PPP6R1: variants seen among roughly 807,000 people sequenced by gnomAD.
PPP6R1 encodes protein phosphatase 6 regulatory subunit 1, also known as serine/threonine-protein phosphatase 6 regulatory subunit 1.
A neutral mutation model predicts 104.6 loss-of-function variants in PPP6R1; 39 were observed. That is an observed-to-expected ratio of 0.37 (90% CI 0.29 to 0.49). The LOEUF is 0.49. PPP6R1 is among the 20% of genes least tolerant of loss of function. PPP6R1 has a pLI of 0.98. For synonymous variants in PPP6R1, 549 were observed against 479.0 expected (o/e 1.15, Z -1.91); for missense variants, 1,181 against 1,155.8 (o/e 1.02, Z -0.32).
Position 55,241,449 on chromosome 19 carries a change from C to T in PPP6R1, c.1008+28G>A, listed in dbSNP as rs1437594136. The T allele has an allele frequency of 1.9e-6, 3 of 1,597,766 alleles. No homozygotes were observed. Among genetic ancestry groups the T allele is most frequent in the Non-Finnish European group, 2.6e-6 (3 of 1,169,956 alleles). ...CTGCCCTTCCTGCTTCCCCCGCCTC[C>T]CCGAGGACCAGAACCCACACCCCTG... On this transcript the variant is annotated intron_variant, in intron 8 of 23. Transcript: ENST00000412770. The surrounding 1 kb of genome is among the most constrained non-coding windows in gnomAD (Gnocchi z 5.4).
intron 15 of PPP6R1, among the ~76,000 whole-genome samples, chr19:55,237,234 T>C (rs777465574): frequency 6.6e-6 from 1 of 151,978 alleles, no homozygotes; most frequent in Non-Finnish European, 1.5e-5. Flanking sequence ...AGTGAGAAAA[T>C]GGGGCTCGGA....
chr19:55,256,273 A>T (rs996659637), intron 1 of PPP6R1, among the ~76,000 whole-genome samples: 3 of 152,230 alleles, frequency 2.0e-5, no homozygotes, highest in African/African-American at 7.2e-5. Flanking sequence ...GCAGTGGAGC[A>T]AAGTTCTCCT....
intron 17 of PPP6R1, chr19:55,232,706 A>C (rs1318375117): frequency 6.4e-6 from 1 of 156,504 alleles, no homozygotes; most frequent in Non-Finnish European, 1.4e-5. Context: ...CTCAGCCCTG[A>C]GAAACCACCA....
downstream of PPP6R1, chr19:55,228,454 G>C (rs1259411485): frequency 2.5e-6 from 4 of 1,608,540 alleles, 1 homozygote; most frequent in South Asian, 4.4e-5. Flanking sequence ...GGAGTGGGGA[G>C]CTACTGAGCC....
At position 55,241,568 on chromosome 19, in the gene PPP6R1, G is replaced by A. The variant is rs1389599857; in HGVS notation, c.917C>T (p.Ala306Val). 6.3e-7 allele frequency: 1 copy of A among 1,582,118 alleles called. No individual in the cohort carries two copies. The highest frequency in any genetic ancestry group is 8.6e-7 in the Non-Finnish European group (1 of 1,165,486). ...CACACTGGACACAGTGCTTTCCAGG[G>A]CCCCCTGGGCCAGGAGCTCCAGCTG... ...DGQLELLAQG[A>V]LESTVSSVGA... Residue 306 changes from alanine (A) to valine (V), a missense_variant, in exon 8 of 24, where the codon GCC becomes GTC. Transcript: ENST00000412770. This position sits in a 1 kb window ranked among gnomAD's most constrained non-coding sequence, Gnocchi z 5.4.
At chr19:55,239,537 TG>T in intron 14 of PPP6R1, 35 bp from the exon 15 acceptor site, 1 of 1,610,878 alleles carries the variant, frequency 6.2e-7, no homozygotes, top group African/African-American at 1.3e-5. Flanking sequence ...TGGAGGGAGT[TG>T]GGCAGGACCC....
chr19:55,231,953 C>A lies in PPP6R1; in HGVS notation c.2155G>T (p.Val719Leu). ...GPSWTATFDP[V>L]PTDAPTSPRV... ...GGGCTGGTCGGGGCATCTGTAGGCA[C>A]TGGGTCAAAGGTGGCTGTCCAGCTG... The change falls in exon 19 of 24, where the codon GTG (valine) becomes TTG (leucine). Residue 719 changes from valine to leucine, a missense_variant. By Grantham distance (32) the Val-to-Leu change is conservative (BLOSUM62 1). Around this residue, in one of 2 missense-constraint regions of PPP6R1, gnomAD observed 1,042 missense variants for 955.6 expected, o/e 1.09. Transcript: ENST00000412770. 1 of 1,592,320 alleles carries A rather than the reference C, an allele frequency of 6.3e-7. No individual in the cohort carries two copies. The highest frequency in any genetic ancestry group is 8.6e-7 in the Non-Finnish European group (1 of 1,166,150).
Position 55,239,502 on chromosome 19 carries a change from C to T in PPP6R1, c.1654G>A (p.Ala552Thr). ...CGCTGCATCTGGAAGTCCATGAAGG[C>T]CTGTGGGGGTGCGGAGGTTAGGGCT... ...NFPEEAVLQQ[A>T]FMDFQMQRMT... The change falls in exon 15 of 24, where the codon GCC becomes ACC. Residue 552 changes from alanine to threonine, a missense_variant and splice_region_variant. Physicochemically the swap from Ala to Thr is moderately conservative, Grantham distance 58. Around this residue, in one of 2 missense-constraint regions of PPP6R1, gnomAD observed 1,042 missense variants for 955.6 expected, o/e 1.09. Coordinates refer to ENST00000412770, the MANE Select transcript of PPP6R1 (RefSeq NM_014931.4). 1 of 1,613,888 alleles carries T rather than the reference C, an allele frequency of 6.2e-7. No homozygotes were observed. The highest frequency in any genetic ancestry group is 8.5e-7 in the Non-Finnish European group (1 of 1,179,818).
At chr19:55,256,348 A>G (rs536875544) in intron 1 of PPP6R1, among the ~76,000 whole-genome samples, 66 of 152,356 alleles carry the variant, frequency 4.3e-4, no homozygotes, top group Non-Finnish European at 8.4e-4. Flanking sequence ...CATGCACTGG[A>G]GGACACTTAG....
intron 1 of PPP6R1, among the ~76,000 whole-genome samples, chr19:55,252,439 C>T (rs147067409): frequency 0.024 from 3,603 of 150,002 alleles, 160 homozygotes; most frequent in African/African-American, 0.085. Flanking sequence ...CGCTCTGTCA[C>T]CCAGGCTGGA....
intron 1 of PPP6R1, among the ~76,000 whole-genome samples, chr19:55,253,417 C>G (rs1191172918): frequency 6.6e-6 from 1 of 152,230 alleles, no homozygotes; most frequent in Non-Finnish European, 1.5e-5. Context: ...ACCCCTGGTA[C>G]AGACTAACCA....
rs762977032 is a variant in PPP6R1 at position 55,232,141 on chromosome 19, T to C, written c.2059A>G (p.Ile687Val). ...DEEEEEDEEG[I>V]GCAARGGATP... ...GCCCCTCCACGGGCTGCACAGCCAA[T>C]GCCCTCCTCGTCTTCCTCCTCCTCC... Residue 687 changes from isoleucine (I) to valine (V), a missense_variant, in exon 18 of 24, where the codon ATT becomes GTT. Coordinates refer to ENST00000412770, the MANE Select transcript of PPP6R1 (RefSeq NM_014931.4). 1.9e-6 allele frequency: 3 copies of C among 1,589,534 alleles called. No homozygotes were observed. The highest frequency in any genetic ancestry group is 1.8e-5 in the Admixed American group (1 of 55,826).
rs368804396 is a variant in PPP6R1, at chr19:55,241,344, G to T, written c.1056C>A (p.Gly352=). 683 of 1,611,586 alleles carry T rather than the reference G, an allele frequency of 4.2e-4. No homozygotes were observed. Among genetic ancestry groups the T allele is most frequent in the Non-Finnish European group, 5.3e-4 (630 of 1,179,692 alleles). ...GCTTGACCACGTGCAGCCGCGTGTT[G>T]CCCAGAGGCGGAGCCAGCATGCCCC... ...MTWGMLAPPL[G]NTRLHVVKLL... is the part of the protein sequence containing the mutation. Residue 352 remains glycine (G), a synonymous_variant, in exon 9 of 24, where the codon GGC becomes GGA. Coordinates refer to ENST00000412770, the MANE Select transcript of PPP6R1 (RefSeq NM_014931.4). This position sits in a 1 kb window ranked among gnomAD's most constrained non-coding sequence, Gnocchi z 5.4.
chr19:55,240,170 C>A (rs2087438928), intron 11 of PPP6R1, 56 bp from the exon 12 acceptor site: 3 of 1,561,544 alleles, frequency 1.9e-6, no homozygotes, highest in Non-Finnish European at 2.6e-6. Flanking sequence ...GGATGCCCAG[C>A]CCCAGCCCGG....
At chr19:55,238,861 A>G (rs185760289) in intron 15 of PPP6R1, 1 of 154,650 alleles carries the variant, frequency 6.5e-6, no homozygotes, top group Non-Finnish European at 1.4e-5. Flanking sequence ...TCATGATCAT[A>G]ACACCCAGAG....
chr19:55,236,585 C>G (rs1171919713), intron 17 of PPP6R1, 58 bp downstream of exon 17: 1 of 1,448,934 alleles, frequency 6.9e-7, no homozygotes, highest in Non-Finnish European at 9.1e-7. Context: ...GTTGGGGGGA[C>G]CCCTTGGCCC....
chr19:55,239,527 T>G (rs1334947257), intron 14 of PPP6R1, 25 bp from the exon 15 acceptor site: 3 of 1,612,518 alleles, frequency 1.9e-6, no homozygotes, highest in East Asian at 4.5e-5. Context: ...AGGTTAGGGC[T>G]GGAGGGAGTT....
At chr19:55,240,514 TACACACACACAC>T (rs777717878) in intron 10 of PPP6R1, among the ~76,000 whole-genome samples, 4,198 of 135,994 alleles carry the variant, frequency 0.031, 150 homozygotes, top group African/African-American at 0.084. Flanking sequence ...ATGTGGTGCA[TACACACACACAC>T]ACACACACAC....
chr19:55,230,317 G>C lies in PPP6R1; in HGVS notation c.*211C>G. 1 of 613,494 alleles carries C rather than the reference G, an allele frequency of 1.6e-6. No homozygotes were observed. Among genetic ancestry groups the C allele is most frequent in the Non-Finnish European group, 2.9e-6 (1 of 348,440 alleles). 38.0% of individuals were successfully genotyped at this position (613,494 alleles called of 1,614,324 possible). A position where few individuals can be genotyped will look rare whatever the true frequency, so the allele number is the denominator to read the frequency against. On this transcript the variant is annotated 3_prime_UTR_variant, in exon 24 of 24. Transcript: ENST00000412770. ...TTGACTCTCTGTATCTTTATTCTAGGAGGCAACGCTCCAAAACTTCTCTTC... is the reference window on the plus strand; with the variant it reads ...TTGACTCTCTGTATCTTTATTCTAGCAGGCAACGCTCCAAAACTTCTCTTC...
Sources: gnomAD v4.1 joint callset for allele counts (sites outside exome capture counted in the v4.1 genomes callset) on GRCh38, gnomAD v4.1.1 for gene constraint, gnomAD v4.1.1 regional missense constraint, Gnocchi (gnomAD v3.1) non-coding constraint, MANE v1.5 for transcripts, NCBI Gene and HGNC (gene_info 2026-07-23, HGNC 2026-07-21) for gene names.